Variants in SPTA1 observed in about 807,000 individuals in gnomAD.
The protein encoded by SPTA1 is spectrin alpha, erythrocytic 1.
In SPTA1, 177 loss-of-function variants were observed where a neutral mutation model predicts 324.7. That is an observed-to-expected ratio of 0.55 (90% CI 0.48 to 0.62). SPTA1 has a LOEUF of 0.62. Ranked by LOEUF, SPTA1 falls within the 20% of genes least tolerant of loss-of-function variation. The probability of loss-of-function intolerance (pLI) is 0.00; values close to 1 mark genes in which losing one functional copy is unlikely to be tolerated. For missense variants in SPTA1, 3,162 were observed against 2,883.6 expected (o/e 1.10, Z -2.21); for synonymous variants, 1,195 against 1,041.3 (o/e 1.15, Z -2.84).
At chr1:158,633,835 G>T (rs1000486015) in intron 39 of SPTA1, among the ~76,000 whole-genome samples, 1 of 152,164 alleles carries the variant, frequency 6.6e-6, no homozygotes, top group Non-Finnish European at 1.5e-5. Context: ...ATTATATGTT[G>T]TATAGGTTTA....
chr1:158,649,817 T>A (rs751738903), intron 25 of SPTA1, 39 bp downstream of exon 25: 1 of 1,519,926 alleles, frequency 6.6e-7, no homozygotes, highest in South Asian at 1.1e-5. Flanking sequence ...AGTGAGTGGG[T>A]TTTAAAGCAG....
At chr1:158,636,566 C>G in intron 37 of SPTA1, 75 bp downstream of exon 37, 2 of 1,551,020 alleles carry the variant, frequency 1.3e-6, no homozygotes, top group Non-Finnish European at 1.8e-6. Flanking sequence ...TTGTAGCACC[C>G]TCTTATTTAT....
Position 158,623,054 on chromosome 1 carries a change from A to T in SPTA1, c.6049T>A (p.Trp2017Arg), listed in dbSNP as rs377008650. ...GCCGAGGCTTCCAGCAACTGTTCCC[A>T]GCGCTTCAGCAGAGCGGCATAACGC... Reference protein sequence around the residue: ...EERYAALLKRWEQLLEASAVH... With the variant: ...EERYAALLKRREQLLEASAVH... Residue 2017 changes from tryptophan to arginine, a missense_variant, in exon 43 of 52, where the codon TGG (tryptophan) becomes AGG (arginine). Physicochemically the swap from Trp to Arg is moderately radical, Grantham distance 101. Transcript: ENST00000643759. The T allele has an allele frequency of 1.9e-6, 3 of 1,614,030 alleles. No individual in the cohort carries two copies. The highest frequency in any genetic ancestry group is 2.5e-6 in the Non-Finnish European group (3 of 1,180,040).
intron 43 of SPTA1, among the ~76,000 whole-genome samples, chr1:158,621,191 G>GA (rs1649889744): frequency 6.6e-6 from 1 of 151,452 alleles, no homozygotes; most frequent in Non-Finnish European, 1.5e-5. Context: ...GAAAAAGCAT[G>GA]AATTTTTTCA....
rs1474215375 is a variant in SPTA1, at chr1:158,686,484, A to T, written c.24+10T>A. On this transcript the variant is annotated intron_variant, in intron 1 of 51. Transcript: ENST00000643759. ...ATGACAAATTGCATGGAAGAGAAAT[A>T]TGTACTTACGGTTTCCTTTGGAAAT... 2 of 1,564,418 alleles carry T rather than the reference A, an allele frequency of 1.3e-6. No homozygotes were observed. Among genetic ancestry groups the T allele is most frequent in the Admixed American group, 3.3e-5 (2 of 59,888 alleles).
rs747712193 is a variant in SPTA1 at position 158,645,496 on chromosome 1, T to A, written c.3995A>T (p.Gln1332Leu). 8 of 1,614,030 alleles carry A rather than the reference T, an allele frequency of 5.0e-6. No individual in the cohort carries two copies. Among genetic ancestry groups the A allele is most frequent in the Non-Finnish European group, 6.8e-6 (8 of 1,179,932 alleles). The change falls in exon 28 of 52, where the codon CAG becomes CTG. Residue 1332 changes from glutamine to leucine, a missense_variant and splice_region_variant. Coordinates refer to ENST00000643759, the MANE Select transcript of SPTA1 (RefSeq NM_003126.4). ...TGGCTGTGACTTTTGTAGTTTTACC[T>A]GATGTCTCTCCAGCAAGATCTCTAT... The part of the protein sequence containing the change: ...TGIEILLERH[Q>L]EHRADMEAEA...
In SPTA1 at chr1:158,635,910, C is replaced by T. The variant is rs1036370920; in HGVS notation, c.5432+3G>A. ...GGAACTGGGCCTTCTGTATCCCACT[C>T]ACCGGGCCTTGGCCAACTCTTTGAG... On this transcript the variant is annotated splice_donor_region_variant and intron_variant, in intron 38 of 51. Coordinates refer to ENST00000643759, the MANE Select transcript of SPTA1 (RefSeq NM_003126.4). 1 of 1,614,176 alleles carries T rather than the reference C, an allele frequency of 6.2e-7. No homozygotes were observed. The highest frequency in any genetic ancestry group is 8.5e-7 in the Non-Finnish European group (1 of 1,180,036).
At chr1:158,685,489 GTAGTATA>G in intron 1 of SPTA1, 142 bp from the exon 2 acceptor site, 1 of 1,201,526 alleles carries the variant, frequency 8.3e-7, no homozygotes, top group East Asian at 2.4e-5. Flanking sequence ...CAGAAGAGCT[GTAGTATA>G]TTTACGTAAT....
intron 14 of SPTA1, among the ~76,000 whole-genome samples, chr1:158,669,022 C>G (rs1653809324): frequency 6.6e-6 from 1 of 152,094 alleles, no homozygotes; most frequent in Non-Finnish European, 1.5e-5. Context: ...GTAGTTTTCA[C>G]ACACTTTAAA....
At position 158,649,959 on chromosome 1, in the gene SPTA1, A is replaced by T; in HGVS notation, c.3478-12T>A. On this transcript the variant is annotated splice_polypyrimidine_tract_variant and intron_variant, in intron 24 of 51. Transcript: ENST00000643759. ...CGGGAATTCAATTCCTAAAAGAGGC[A>T]AAAACATCAGACTTGAGACAGAGAA... is the stretch of plus-strand genomic sequence containing the variant. 6.3e-7 allele frequency: 1 copy of T among 1,592,236 alleles called. No individual in the cohort carries two copies. Among genetic ancestry groups the T allele is most frequent in the Non-Finnish European group, 8.6e-7 (1 of 1,161,322 alleles).
chr1:158,618,173 T>C (rs1649694436), intron 45 of SPTA1, 117 bp from the exon 46 acceptor site: 7 of 1,165,482 alleles, frequency 6.0e-6, no homozygotes, highest in Non-Finnish European at 9.0e-6. Context: ...AAATCTTTTG[T>C]TGCCACAAAA....
intron 34 of SPTA1, 56 bp downstream of exon 34, chr1:158,639,814 T>C: frequency 6.2e-7 from 1 of 1,613,456 alleles, no homozygotes; most frequent in East Asian, 2.2e-5. Context: ...TAAATTCATT[T>C]GTCTGACAAG....
intron 16 of SPTA1, among the ~76,000 whole-genome samples, chr1:158,664,939 C>T (rs193106843): frequency 6.6e-6 from 1 of 152,310 alleles, no homozygotes; most frequent in East Asian, 1.9e-4. Flanking sequence ...GTTCTTTCAC[C>T]TGTTTTGATC....
chr1:158,626,809 C>T (rs1383329579), intron 41 of SPTA1, 30 bp downstream of exon 41: 1 of 1,612,822 alleles, frequency 6.2e-7, no homozygotes, highest in Non-Finnish European at 8.5e-7. Flanking sequence ...TTTCTCAAAC[C>T]CAAGGGACCC....
intron 39 of SPTA1, among the ~76,000 whole-genome samples, chr1:158,633,586 G>A (rs1178030655): frequency 6.6e-6 from 1 of 150,652 alleles, no homozygotes; most frequent in African/African-American, 2.4e-5. Flanking sequence ...GCATGAACCC[G>A]GGAGGCAGAG....
At chr1:158,647,826 G>A in intron 26 of SPTA1, 106 bp from the exon 27 acceptor site, 3 of 1,207,178 alleles carry the variant, frequency 2.5e-6, no homozygotes, top group South Asian at 1.3e-5. Context: ...AGATATCAGT[G>A]ATGTACAAGT....
chr1:158,611,001 T>C lies in SPTA1; in HGVS notation c.*263A>G. 1 of 396,162 alleles carries C rather than the reference T, an allele frequency of 2.5e-6. No individual in the cohort carries two copies. The highest frequency in any genetic ancestry group is 4.6e-6 in the Non-Finnish European group (1 of 215,686). 24.5% of individuals were successfully genotyped at this position (396,162 alleles called of 1,614,324 possible). A position where few individuals can be genotyped will look rare whatever the true frequency, so the allele number is the denominator to read the frequency against. On this transcript the variant is annotated 3_prime_UTR_variant, in exon 52 of 52. Transcript: ENST00000643759. ...ACAGAACAAATAAAAATAGAAACTT[T>C]GACACCCCTCAGCAGTGACTAGTTG...
At chr1:158,618,179 CAAA>C (rs1649694993) in intron 45 of SPTA1, 123 bp from the exon 46 acceptor site, 4 of 1,092,992 alleles carry the variant, frequency 3.7e-6, no homozygotes, top group Middle Eastern at 2.0e-4. Flanking sequence ...TTTGTTGCCA[CAAA>C]ACATGAATCT....
chr1:158,623,263 A>G, intron 42 of SPTA1, 71 bp from the exon 43 acceptor site: 1 of 1,304,114 alleles, frequency 7.7e-7, no homozygotes, highest in South Asian at 1.2e-5. Flanking sequence ...GGGTTCCACC[A>G]GATTTTAATC....
Sources: gnomAD v4.1 joint callset for allele counts (sites outside exome capture counted in the v4.1 genomes callset) on GRCh38, gnomAD v4.1.1 for gene constraint, MANE v1.5 for transcripts, NCBI Gene and HGNC (gene_info 2026-07-23, HGNC 2026-07-21) for gene names.